Variants in ADAMTSL3 observed in about 807,000 individuals in gnomAD.
ADAMTSL3 encodes the protein ADAMTS like 3, also known as ADAMTS-like protein 3.
A neutral mutation model predicts 201.7 loss-of-function variants in ADAMTSL3; 128 were observed. The observed-to-expected ratio is 0.63, with a 90% CI of 0.55 to 0.73. The LOEUF (loss-of-function observed/expected upper bound fraction) is 0.73, where lower values mean the gene tolerates loss of function less well. Ranked by LOEUF, ADAMTSL3 falls within the 30% of genes least tolerant of loss-of-function variation. The pLI is 0.00. For synonymous variants in ADAMTSL3, 738 were observed against 748.4 expected (o/e 0.99, Z 0.23); for missense variants, 1,990 against 2,119.6 (o/e 0.94, Z 1.20).
chr15:83,675,232 G>GA (rs1439834224), intron 2 of ADAMTSL3, among the ~76,000 whole-genome samples: 1 of 152,030 alleles, frequency 6.6e-6, no homozygotes, highest in Non-Finnish European at 1.5e-5. Context: ...GATATCTGGT[G>GA]AAACTAGGAG....
intron 23 of ADAMTSL3, among the ~76,000 whole-genome samples, chr15:83,992,268 C>T (rs1280534761): frequency 3.3e-5 from 5 of 152,174 alleles, no homozygotes; most frequent in Admixed American, 3.3e-4. Context: ...CAGTTACTTG[C>T]CATGTTTCCA....
chr15:83,780,699 A>G (rs1015324962), intron 4 of ADAMTSL3, among the ~76,000 whole-genome samples: 5 of 152,208 alleles, frequency 3.3e-5, no homozygotes, highest in African/African-American at 7.2e-5. Flanking sequence ...GACATATCCT[A>G]TATCTGGAAA....
At chr15:83,867,555 G>A (rs1412470059) in intron 8 of ADAMTSL3, among the ~76,000 whole-genome samples, 3 of 152,202 alleles carry the variant, frequency 2.0e-5, no homozygotes, top group Non-Finnish European at 1.5e-5. Flanking sequence ...AGCCCTATCT[G>A]AGGACCATAT....
chr15:83,766,108 G>C (rs2062885757), intron 3 of ADAMTSL3, among the ~76,000 whole-genome samples: 1 of 152,160 alleles, frequency 6.6e-6, no homozygotes, highest in Non-Finnish European at 1.5e-5. Flanking sequence ...ATGTTCAGTG[G>C]AAAGTCTATC....
intron 23 of ADAMTSL3, 65 bp downstream of exon 23, chr15:83,991,279 G>A: frequency 6.2e-7 from 1 of 1,602,550 alleles, no homozygotes. Context: ...TCCCAGTGTT[G>A]CCAGGAAACA....
At position 83,816,006 on chromosome 15, in the gene ADAMTSL3, C is replaced by G. The variant is rs189259929; in HGVS notation, c.364-3805C>G. Among the ~76,000 whole-genome samples the G allele has an allele frequency of 2.0e-5, 3 of 152,324 alleles. No homozygotes were observed. The East Asian group carries it at 5.8e-4, about 29-fold the overall frequency. On this transcript the variant is annotated intron_variant, in intron 5 of 29. Coordinates refer to ENST00000286744, the MANE Select transcript of ADAMTSL3 (RefSeq NM_207517.3). Reference sequence around the variant, plus strand: ...GAACAGAAGTCCACTTAGATTAGCTCAGGACAAAGGGGATTCACTGGATGG... The same window carrying G: ...GAACAGAAGTCCACTTAGATTAGCTGAGGACAAAGGGGATTCACTGGATGG...
At chr15:83,681,774 C>G (rs192788373) in intron 2 of ADAMTSL3, among the ~76,000 whole-genome samples, 5 of 152,278 alleles carry the variant, frequency 3.3e-5, no homozygotes, top group African/African-American at 1.2e-4. Flanking sequence ...AGAGAGACCT[C>G]AAGTGAAGGT....
At chr15:83,865,779 A>C (rs1371277305) in intron 8 of ADAMTSL3, among the ~76,000 whole-genome samples, 2 of 152,244 alleles carry the variant, frequency 1.3e-5, no homozygotes. Context: ...TAATTAAATT[A>C]AAGAGCTTCT....
intron 5 of ADAMTSL3, among the ~76,000 whole-genome samples, chr15:83,808,168 C>T (rs747346446): frequency 2.0e-5 from 3 of 151,722 alleles, no homozygotes; most frequent in African/African-American, 7.3e-5. Flanking sequence ...TTACGTACAT[C>T]GAAGGAAACA....
chr15:83,756,090 A>T (rs2141686831), intron 3 of ADAMTSL3, among the ~76,000 whole-genome samples: 1 of 152,248 alleles, frequency 6.6e-6, no homozygotes, highest in African/African-American at 2.4e-5. Flanking sequence ...GGGTATATAC[A>T]CAGCAGTGGA....
intron 3 of ADAMTSL3, among the ~76,000 whole-genome samples, chr15:83,719,678 G>C (rs1402556360): frequency 2.0e-5 from 3 of 152,110 alleles, no homozygotes; most frequent in Non-Finnish European, 4.4e-5. Context: ...TGGGTACTTG[G>C]GGTTCATTAG....
At chr15:83,781,864 A>G (rs1432965834) in intron 4 of ADAMTSL3, among the ~76,000 whole-genome samples, 5 of 152,218 alleles carry the variant, frequency 3.3e-5, no homozygotes, top group African/African-American at 1.2e-4. Flanking sequence ...CAAAACCACA[A>G]TGCGATAACA....
At position 83,913,231 on chromosome 15, in the gene ADAMTSL3, C is replaced by A; in HGVS notation, c.1840C>A (p.Leu614Met). The A allele has an allele frequency of 6.2e-7, 1 of 1,614,108 alleles. No homozygotes were observed. Among genetic ancestry groups the A allele is most frequent in the Non-Finnish European group, 8.5e-7 (1 of 1,180,032 alleles). The change falls in exon 16 of 30, where the codon CTG (leucine) becomes ATG (methionine). Residue 614 changes from leucine (L) to methionine (M), a missense_variant. Transcript: ENST00000286744. The stretch of plus-strand genomic sequence containing the variant: ...CGAGGAAGAGTGTGAAGGCCCCAAG[C>A]TGCCCACCGAACGGCCCTGCCTCCT... ...LPEEECEGPK[L>M]PTERPCLLEA...
intron 3 of ADAMTSL3, among the ~76,000 whole-genome samples, chr15:83,756,714 A>T (rs1444118145): frequency 6.6e-6 from 1 of 151,706 alleles, no homozygotes; most frequent in Non-Finnish European, 1.5e-5. Context: ...CTAAAGTCTT[A>T]TCTGAGACAA....
intron 3 of ADAMTSL3, among the ~76,000 whole-genome samples, chr15:83,745,856 G>A (rs142892079): frequency 1.3e-5 from 2 of 152,340 alleles, no homozygotes; most frequent in Admixed American, 1.3e-4. Context: ...CTGTTGTCAT[G>A]GAAAGAGGCT....
intron 28 of ADAMTSL3, among the ~76,000 whole-genome samples, chr15:84,032,650 A>T (rs1042078555): frequency 6.6e-6 from 1 of 152,254 alleles, no homozygotes; most frequent in African/African-American, 2.4e-5. Flanking sequence ...GATAATTCCC[A>T]TCAAGTAAAG....
intron 19 of ADAMTSL3, among the ~76,000 whole-genome samples, chr15:83,952,911 T>G (rs886632866): frequency 6.6e-6 from 1 of 152,230 alleles, no homozygotes; most frequent in East Asian, 1.9e-4. Flanking sequence ...GTTTTTGCCT[T>G]GAAATCTATT....
At chr15:83,913,506 T>A in intron 16 of ADAMTSL3, 128 bp downstream of exon 16, 1 of 950,322 alleles carries the variant, frequency 1.1e-6, no homozygotes, top group Non-Finnish European at 1.5e-6. Context: ...TTCAAATAAC[T>A]GAAAATGATA....
intron 2 of ADAMTSL3, among the ~76,000 whole-genome samples, chr15:83,670,725 G>A (rs2061320103): frequency 6.6e-6 from 1 of 152,002 alleles, no homozygotes; most frequent in Non-Finnish European, 1.5e-5. Context: ...CCCATTCTCT[G>A]TCTACCTGTG....
Sources: allele counts gnomAD v4.1 joint callset (sites outside exome capture counted in the v4.1 genomes callset), GRCh38; gene constraint gnomAD v4.1.1; transcripts MANE v1.5; gene names NCBI Gene and HGNC (gene_info 2026-07-23, HGNC 2026-07-21).